Variants in SPTLC2 observed in about 807,000 individuals in gnomAD.
SPTLC2 encodes the protein serine palmitoyltransferase long chain base subunit 2, also known as serine palmitoyltransferase 2.
In SPTLC2, 21 loss-of-function variants were observed where a neutral mutation model predicts 62.0. That is an observed-to-expected ratio of 0.34 (90% CI 0.24 to 0.49). SPTLC2 has a LOEUF of 0.49. Ranked by LOEUF, SPTLC2 falls within the 20% of genes least tolerant of loss-of-function variation. The probability of loss-of-function intolerance (pLI) is 0.99; values close to 1 mark genes in which losing one functional copy is unlikely to be tolerated. For synonymous variants in SPTLC2, 261 were observed against 261.8 expected (o/e 1.00, Z 0.03); for missense variants, 511 against 713.0 (o/e 0.72, Z 3.23).
At chr14:77,534,153 GTCTCTCTCTCTT>G (rs147316100) in intron 9 of SPTLC2, among the ~76,000 whole-genome samples, 2 of 128,440 alleles carry the variant, frequency 1.6e-5, no homozygotes, top group African/African-American at 6.4e-5. Context: ...ATGAGACCCT[GTCTCTCTCTCTT>G]TCTCTCTCTC....
At chr14:77,515,058 A>C (rs1427065643) in intron 11 of SPTLC2, among the ~76,000 whole-genome samples, 2 of 152,184 alleles carry the variant, frequency 1.3e-5, no homozygotes, top group Non-Finnish European at 2.9e-5. Flanking sequence ...CCCTTGTTGA[A>C]AACAAATTGG....
chr14:77,588,112 A>C (rs958666463), intron 2 of SPTLC2, among the ~76,000 whole-genome samples: 3 of 151,926 alleles, frequency 2.0e-5, no homozygotes, highest in African/African-American at 7.3e-5. Context: ...CTAATTTTTA[A>C]ATTTTTTGTA....
chr14:77,566,207 G>C (rs56230840), intron 5 of SPTLC2, among the ~76,000 whole-genome samples: 25,124 of 152,024 alleles, frequency 0.17, 2,135 homozygotes, highest in Admixed American at 0.22. Flanking sequence ...GCCTTATTCA[G>C]CATTTCAATG....
intron 1 of SPTLC2, among the ~76,000 whole-genome samples, chr14:77,614,839 C>T (rs753542163): frequency 4.6e-5 from 7 of 150,832 alleles, no homozygotes; most frequent in Admixed American, 6.6e-5. Flanking sequence ...GGCGTGATGA[C>T]GGGCGCCTGT....
intron 6 of SPTLC2, among the ~76,000 whole-genome samples, chr14:77,561,585 T>C (rs1308192885): frequency 2.0e-5 from 3 of 149,792 alleles, no homozygotes; most frequent in Non-Finnish European, 4.4e-5. Context: ...CACTCCAGCC[T>C]GGGTGACAGA....
intron 9 of SPTLC2, among the ~76,000 whole-genome samples, chr14:77,550,264 A>G (rs1368565519): frequency 6.6e-6 from 1 of 152,276 alleles, no homozygotes; most frequent in African/African-American, 2.4e-5. Context: ...AAAAATGTTA[A>G]GGTAAAATTC....
rs947759055 is a variant in SPTLC2, at chr14:77,616,637, T to G, written c.-58A>C. 1.3e-6 allele frequency: 2 copies of G among 1,503,122 alleles called. No homozygotes were observed. The highest frequency in any genetic ancestry group is 1.8e-6 in the Non-Finnish European group (2 of 1,120,548). 93.1% of individuals were successfully genotyped at this position (1,503,122 alleles called of 1,614,324 possible). A position where few individuals can be genotyped will look rare whatever the true frequency, so the allele number is the denominator to read the frequency against. ...TGTAGGCGGTGGCAGCGGCGGCGGC[T>G]GCTCCAAGTCCCGCTCCGCACCCCA... On this transcript the variant is annotated 5_prime_UTR_variant, in exon 1 of 12. Transcript: ENST00000216484.
At chr14:77,579,144 T>A (rs748781381) in intron 2 of SPTLC2, 35 bp from the exon 3 acceptor site, 7 of 1,610,560 alleles carry the variant, frequency 4.3e-6, no homozygotes, top group Non-Finnish European at 5.9e-6. Flanking sequence ...TAAATTTAAC[T>A]GAGTTACTTT....
At chr14:77,584,525 T>C (rs2079770703) in intron 2 of SPTLC2, among the ~76,000 whole-genome samples, 1 of 152,164 alleles carries the variant, frequency 6.6e-6, no homozygotes, top group Non-Finnish European at 1.5e-5. Context: ...AGATATTTCT[T>C]ACACTTTCAG....
At chr14:77,599,217 T>C (rs1282465630) in intron 1 of SPTLC2, among the ~76,000 whole-genome samples, 2 of 152,222 alleles carry the variant, frequency 1.3e-5, no homozygotes, top group Non-Finnish European at 2.9e-5. Flanking sequence ...CAAGTTTGTG[T>C]GTTAACTTTA....
rs1555378666 is a variant in SPTLC2, at chr14:77,604,879, A to AAAAAAAAAGGT, written c.133-7500_133-7499insACCTTTTTTTT. On this transcript the variant is annotated intron_variant, in intron 1 of 11. Transcript: ENST00000216484. ...AAGACTCTTTCTCAAAAAAAAAAAA[A>AAAAAAAAAGGT]AAAAAAAGGTAAAATGACAAAGTCA... is the stretch of plus-strand genomic sequence containing the variant. Among the ~76,000 whole-genome samples, 666 of 150,064 alleles carry AAAAAAAAAGGT rather than the reference A, an allele frequency of 4.4e-3. 9 individuals carry two copies. Among genetic ancestry groups the AAAAAAAAAGGT allele is most frequent in the African/African-American group, 0.015 (627 of 40,706 alleles).
intron 9 of SPTLC2, among the ~76,000 whole-genome samples, chr14:77,522,087 G>A (rs982113377): frequency 1.3e-5 from 2 of 152,160 alleles, no homozygotes; most frequent in African/African-American, 4.8e-5. Flanking sequence ...CATAAGACCA[G>A]AGATGAAGCC....
intron 9 of SPTLC2, among the ~76,000 whole-genome samples, chr14:77,522,429 C>A (rs904294731): frequency 6.6e-6 from 1 of 152,178 alleles, no homozygotes; most frequent in African/African-American, 2.4e-5. Context: ...TCCCAAAGTG[C>A]TGGGATTACA....
chr14:77,529,585 T>G (rs552331712), intron 9 of SPTLC2, among the ~76,000 whole-genome samples: 38 of 151,152 alleles, frequency 2.5e-4, no homozygotes, highest in Admixed American at 2.3e-3. Context: ...TGTTTGCTTT[T>G]TTTCACTTTT....
chr14:77,512,985 G>T (rs1390120302), intron 11 of SPTLC2, among the ~76,000 whole-genome samples: 2 of 139,894 alleles, frequency 1.4e-5, no homozygotes, highest in African/African-American at 2.6e-5. Flanking sequence ...AAAGTGTTGG[G>T]ATTATAGGCG....
At position 77,576,780 on chromosome 14, in the gene SPTLC2, A is replaced by G; in HGVS notation, c.618T>C (p.Thr206=). Residue 206 remains threonine, a synonymous_variant, in exon 4 of 12, where the codon ACT becomes ACC. Transcript: ENST00000216484. ...GCTTTCACTTACCAATTTCCTGCCGAGTACTGCACACTCCAGCTCCATACT... is the reference window on the plus strand; with the variant it reads ...GCTTTCACTTACCAATTTCCTGCCGGGTACTGCACACTCCAGCTCCATACT... ...LEEYGAGVCS[T]RQEIGNLDKH... The G allele has an allele frequency of 6.2e-7, 1 of 1,614,224 alleles. No individual in the cohort carries two copies. Among genetic ancestry groups the G allele is most frequent in the Non-Finnish European group, 8.5e-7 (1 of 1,180,040 alleles).
intron 9 of SPTLC2, among the ~76,000 whole-genome samples, chr14:77,524,993 A>T (rs2079401700): frequency 6.6e-6 from 1 of 152,244 alleles, no homozygotes; most frequent in South Asian, 2.1e-4. Context: ...TAGCTAGAAG[A>T]GCTGAAATGT....
intron 9 of SPTLC2, among the ~76,000 whole-genome samples, chr14:77,528,534 C>G (rs550167957): frequency 2.0e-5 from 3 of 151,792 alleles, no homozygotes; most frequent in Non-Finnish European, 2.9e-5. Context: ...CCCAGCCCCC[C>G]CTTTTCTTCT....
chr14:77,579,164 T>G (rs992321542), intron 2 of SPTLC2, 55 bp from the exon 3 acceptor site: 2 of 1,577,682 alleles, frequency 1.3e-6, no homozygotes, highest in Non-Finnish European at 1.7e-6. Flanking sequence ...TATTAAAAAA[T>G]TTTTTAACAG....
Sources: allele counts gnomAD v4.1 joint callset (sites outside exome capture counted in the v4.1 genomes callset), GRCh38; gene constraint gnomAD v4.1.1; transcripts MANE v1.5; gene names NCBI Gene and HGNC (gene_info 2026-07-23, HGNC 2026-07-21).